RFC3: variants seen among roughly 807,000 people sequenced by gnomAD.
RFC3 encodes the protein A1 38 kDa subunit.
RFC3 carries 41 observed loss-of-function variants against 45.1 expected under a neutral mutation model. The observed-to-expected ratio is 0.91, with a 90% confidence interval of 0.71 to 1.18. RFC3 has a LOEUF of 1.18. Ranked by LOEUF, RFC3 falls within the 50% of genes most tolerant of loss-of-function variation. RFC3 has a pLI of 0.00. For missense variants in RFC3, 423 were observed against 428.1 expected (o/e 0.99, Z 0.10); for synonymous variants, 149 against 144.0 (o/e 1.03, Z -0.25).
chr13:33,818,291 G>C, intron 1 of RFC3, 26 bp downstream of exon 1: 1 of 1,600,272 alleles, frequency 6.2e-7, no homozygotes, highest in Non-Finnish European at 8.6e-7. Context: ...CCGGGAGCGT[G>C]GGAGAGGGGA....
At chr13:33,824,447 C>T (rs575433803) in intron 3 of RFC3, among the ~76,000 whole-genome samples, 12 of 152,232 alleles carry the variant, frequency 7.9e-5, no homozygotes, top group African/African-American at 2.9e-4. Context: ...TTCTCTATAT[C>T]ATGCAGTAAT....
At chr13:33,926,797 A>G (rs1173173543) in intron 8 of RFC3, among the ~76,000 whole-genome samples, 1 of 150,996 alleles carries the variant, frequency 6.6e-6, no homozygotes, top group Non-Finnish European at 1.5e-5. Flanking sequence ...TAAAAGGCCA[A>G]CCAGGCTTTG....
chr13:33,828,363 C>G (rs1196235912), intron 4 of RFC3, among the ~76,000 whole-genome samples: 1 of 152,142 alleles, frequency 6.6e-6, no homozygotes, highest in Non-Finnish European at 1.5e-5. Flanking sequence ...ACCCACAGTG[C>G]TGGGATTACA....
At chr13:33,873,803 C>T (rs912948394) in intron 8 of RFC3, among the ~76,000 whole-genome samples, 2 of 152,164 alleles carry the variant, frequency 1.3e-5, no homozygotes, top group African/African-American at 4.8e-5. Context: ...GGAAATGCTC[C>T]GGTAACTGCC....
At chr13:33,861,740 G>A (rs1285777999) in intron 8 of RFC3, among the ~76,000 whole-genome samples, 1 of 151,858 alleles carries the variant, frequency 6.6e-6, no homozygotes, top group African/African-American at 2.4e-5. Flanking sequence ...AGTTCAACCT[G>A]TGAGAACACG....
intron 8 of RFC3, among the ~76,000 whole-genome samples, chr13:33,962,019 A>G (rs2083060322): frequency 6.6e-6 from 1 of 152,168 alleles, no homozygotes; most frequent in Admixed American, 6.5e-5. Context: ...TCCCCAGAGG[A>G]GTCATGAACA....
intron 8 of RFC3, among the ~76,000 whole-genome samples, chr13:33,885,389 C>G (rs993908169): frequency 1.3e-5 from 2 of 152,014 alleles, no homozygotes; most frequent in Non-Finnish European, 2.9e-5. Flanking sequence ...TTGTTACATG[C>G]ATATACTGCA....
At chr13:33,901,696 A>T (rs2137670830) in intron 8 of RFC3, among the ~76,000 whole-genome samples, 1 of 152,216 alleles carries the variant, frequency 6.6e-6, no homozygotes, top group South Asian at 2.1e-4. Context: ...AATAATTCAA[A>T]TGTTTCTAGC....
intron 4 of RFC3, 49 bp downstream of exon 4, chr13:33,825,935 T>C: frequency 8.4e-7 from 1 of 1,185,520 alleles, no homozygotes; most frequent in South Asian, 1.4e-5. Context: ...GCATTAGTGC[T>C]CTCTCTTTTT....
chr13:33,907,988 G>A (rs895692454), intron 8 of RFC3, among the ~76,000 whole-genome samples: 44 of 151,352 alleles, frequency 2.9e-4, no homozygotes, highest in Non-Finnish European at 5.2e-4. Flanking sequence ...CTCTCCCTGA[G>A]ATCTTTTGTA....
chr13:33,967,539 G>A (rs1456776163), downstream of RFC3, among the ~76,000 whole-genome samples: 5 of 141,354 alleles, frequency 3.5e-5, no homozygotes, highest in Admixed American at 1.5e-4. Context: ...CCAGGCTGGA[G>A]TGCAGTGGTG....
the RFC3 span, among the ~76,000 whole-genome samples, chr13:33,976,195 A>G: frequency 1.2e-4 from 18 of 152,252 alleles, no homozygotes; most frequent in Non-Finnish European, 1.5e-5. Flanking sequence ...TCATACTGAT[A>G]TAGAAAATTA....
intron 8 of RFC3, among the ~76,000 whole-genome samples, chr13:33,878,562 C>T (rs538088821): frequency 6.6e-5 from 10 of 152,086 alleles, no homozygotes; most frequent in African/African-American, 2.4e-4. Context: ...GAAAGGAATT[C>T]GAATAGTTCA....
At position 33,820,694 on chromosome 13, in the gene RFC3, G is replaced by A. The variant is rs376700234; in HGVS notation, c.88-438G>A. Among the ~76,000 whole-genome samples, 4 of 152,138 alleles carry A rather than the reference G, an allele frequency of 2.6e-5. No homozygotes were observed. The South Asian group carries it at 8.3e-4, about 31-fold the overall frequency. On this transcript the variant is annotated intron_variant, in intron 1 of 8. Coordinates refer to ENST00000380071, the MANE Select transcript of RFC3 (RefSeq NM_002915.4). ...TTTCTAATAGTCCGAAGTAAGAAAG[G>A]CCTGAATCTCAGAGTTACAGAATCC...
downstream of RFC3, among the ~76,000 whole-genome samples, chr13:33,966,816 C>T (rs1432291316): frequency 6.6e-6 from 1 of 152,034 alleles, no homozygotes; most frequent in Non-Finnish European, 1.5e-5. Context: ...CTTGGACAAA[C>T]CAACATGCAA....
At chr13:33,867,616 A>G (rs1014221368) in intron 8 of RFC3, among the ~76,000 whole-genome samples, 3 of 152,166 alleles carry the variant, frequency 2.0e-5, no homozygotes, top group Non-Finnish European at 2.9e-5. Flanking sequence ...TTATTACTTT[A>G]TCAAGTGGTG....
intron 8 of RFC3, among the ~76,000 whole-genome samples, chr13:33,902,170 C>T (rs2082645700): frequency 6.6e-6 from 1 of 152,004 alleles, no homozygotes; most frequent in Non-Finnish European, 1.5e-5. Flanking sequence ...TATTTGGAGG[C>T]TGATGGAATA....
At chr13:33,932,172 A>G (rs1158362150) in intron 8 of RFC3, among the ~76,000 whole-genome samples, 4 of 152,126 alleles carry the variant, frequency 2.6e-5, no homozygotes, top group African/African-American at 7.2e-5. Context: ...TCCATTGTTC[A>G]TCTGTCTATT....
At chr13:33,932,965 C>T (rs2082861957) in intron 8 of RFC3, among the ~76,000 whole-genome samples, 1 of 152,134 alleles carries the variant, frequency 6.6e-6, no homozygotes, top group South Asian at 2.1e-4. Context: ...CTGGCACATG[C>T]TGATAACATC....
Sources: gnomAD v4.1 joint callset for allele counts (sites outside exome capture counted in the v4.1 genomes callset) on GRCh38, gnomAD v4.1.1 for gene constraint, MANE v1.5 for transcripts, NCBI Gene and HGNC (gene_info 2026-07-23, HGNC 2026-07-21) for gene names.